Variants in PYGO1 observed in about 807,000 individuals in gnomAD.
The protein encoded by PYGO1 is pygopus family PHD finger 1, also known as pygopus homolog 1.
A neutral mutation model predicts 29.5 loss-of-function variants in PYGO1; 6 were observed. The ratio of observed to expected loss-of-function variants is 0.20; its 90% confidence interval spans 0.11 to 0.40. PYGO1 has a LOEUF of 0.40. PYGO1 is among the 10% of genes least tolerant of loss of function. The pLI, the probability that PYGO1 is intolerant of heterozygous loss-of-function variation, is 1.00. For synonymous variants in PYGO1, 186 were observed against 180.5 expected (o/e 1.03, Z -0.24); for missense variants, 515 against 514.9 (o/e 1.00, Z 0.00).
chr15:55,583,994 G>A (rs550231840), intron 1 of PYGO1, among the ~76,000 whole-genome samples: 1 of 151,964 alleles, frequency 6.6e-6, no homozygotes, highest in South Asian at 2.1e-4. Context: ...CCCAAAAGAT[G>A]TGTTCCTTTA....
intron 1 of PYGO1, among the ~76,000 whole-genome samples, chr15:55,584,750 G>C (rs1341473402): frequency 2.0e-5 from 3 of 152,142 alleles, no homozygotes; most frequent in Non-Finnish European, 4.4e-5. Flanking sequence ...AAAAGGTGAA[G>C]GTTTGGGGGT....
In PYGO1 at chr15:55,546,685, AATCGGG is replaced by A; in HGVS notation, c.592_597del (p.Pro198_Asp199del). 1.9e-6 allele frequency: 3 copies of A among 1,614,098 alleles called. No homozygotes were observed. Among genetic ancestry groups the A allele is most frequent in the Non-Finnish European group, 2.5e-6 (3 of 1,179,970 alleles). On this transcript the variant is annotated inframe_deletion, in exon 3 of 3. Transcript: ENST00000563719. ...TTTCCAGGAACAAAATTAGATGCCA[AATCGGG>A]GTTAGAAACTTGGCTAGCATTCTGT...
At chr15:55,570,536 C>A (rs374203388) in intron 1 of PYGO1, among the ~76,000 whole-genome samples, 42 of 145,810 alleles carry the variant, frequency 2.9e-4, no homozygotes, top group African/African-American at 9.8e-4. Flanking sequence ...AAAAAAAAAA[C>A]TGAACATATT....
At chr15:55,566,388 CAA>C (rs57006291) in intron 1 of PYGO1, among the ~76,000 whole-genome samples, 6,007 of 146,224 alleles carry the variant, frequency 0.041, 438 homozygotes, top group African/African-American at 0.14. Context: ...CATATTGCTA[CAA>C]AAAAAAAAAA....
chr15:55,565,547 T>G (rs2058952098), intron 1 of PYGO1, among the ~76,000 whole-genome samples: 1 of 148,982 alleles, frequency 6.7e-6, no homozygotes, highest in Non-Finnish European at 1.5e-5. Flanking sequence ...CTACTAAAAA[T>G]AAAAATTAAA....
chr15:55,556,713 T>C (rs1315689094), intron 1 of PYGO1, among the ~76,000 whole-genome samples: 2 of 148,068 alleles, frequency 1.4e-5, no homozygotes, highest in South Asian at 4.2e-4. Flanking sequence ...TAAAGCCAGG[T>C]TGGTATTTCG....
At position 55,557,766 on chromosome 15, in the gene PYGO1, C is replaced by T. The variant is rs563915626; in HGVS notation, c.50-8771G>A. On this transcript the variant is annotated intron_variant, in intron 1 of 2. Transcript: ENST00000563719. ...ACCACATGATTATCTCAATAGATGC[C>T]GCAAAGACCTTCACAAAATTCAACA... Among the ~76,000 whole-genome samples, 24 of 152,098 alleles carry T rather than the reference C, an allele frequency of 1.6e-4. 1 individual carries two copies. The South Asian group carries it at 3.7e-3, about 24-fold the overall frequency.
chr15:55,587,840 ACT>A lies in PYGO1; in HGVS notation c.42_43del (p.Arg14SerfsTer5). On this transcript the variant is annotated frameshift_variant, in exon 1 of 3. Transcript: ENST00000563719. LOFTEE classifies it high-confidence loss of function. ...CCGGCACCCTTCTCGGTTACCTCGA[ACT>A]CTCTTCAGCGAAATGGGATCCTTCT... 1 of 1,491,246 alleles carries A rather than the reference ACT, an allele frequency of 6.7e-7. No individual in the cohort carries two copies. Among genetic ancestry groups the A allele is most frequent in the South Asian group, 1.2e-5 (1 of 80,118 alleles). 92.4% of individuals were successfully genotyped at this position (1,491,246 alleles called of 1,614,324 possible).
At chr15:55,553,337 A>C (rs1239572606) in intron 1 of PYGO1, among the ~76,000 whole-genome samples, 1 of 151,870 alleles carries the variant, frequency 6.6e-6, no homozygotes, top group Non-Finnish European at 1.5e-5. Context: ...GGCAGTCTGG[A>C]CAAAGAAGGA....
At position 55,540,737 on chromosome 15, in the gene PYGO1, C is replaced by T. The variant is rs1262773398; in HGVS notation, c.*5286G>A. 1.3e-5 allele frequency: 2 copies of T among 151,906 alleles called. No individual in the cohort carries two copies. The highest frequency in any genetic ancestry group is 4.8e-5 in the African/African-American group (2 of 41,360). The allele number at this position is 151,906 out of a possible 1,614,324, so 9.4% of individuals were successfully genotyped here. On this transcript the variant is annotated 3_prime_UTR_variant, in exon 3 of 3. Transcript: ENST00000563719. ...GAATTACAGTAATTTTGCCACAGAC[C>T]ACAGCACTAGTGCATGTGTTACTTT... is the stretch of plus-strand genomic sequence containing the variant.
intron 1 of PYGO1, 143 bp from the exon 2 acceptor site, chr15:55,549,138 T>G (rs1269357929): frequency 1.8e-6 from 1 of 555,826 alleles, no homozygotes; most frequent in Non-Finnish European, 2.9e-6. Context: ...ATTATCTGTT[T>G]CAAAAAAGTC....
Position 55,546,458 on chromosome 15 carries a change from AT to A in PYGO1, c.824del (p.Asn275MetfsTer8). On this transcript the variant is annotated frameshift_variant, in exon 3 of 3. Transcript: ENST00000563719. LOFTEE classifies it high-confidence loss of function. ...TVNQSNIELK[N>X]VNRNNAVNQE... ...GATTTACTGCATTGTTTCGATTAAC[AT>A]TTTTTAATTCAATATTACTCTGATT... 1 of 1,614,086 alleles carries A rather than the reference AT, an allele frequency of 6.2e-7. No homozygotes were observed. The highest frequency in any genetic ancestry group is 8.5e-7 in the Non-Finnish European group (1 of 1,180,010).
At chr15:55,588,681 C>A, upstream of PYGO1, 1 of 1,081,420 alleles carries the variant, frequency 9.2e-7, no homozygotes, top group Admixed American at 2.0e-5. Context: ...CGAGAACGCC[C>A]GACCCCGCGG....
At chr15:55,575,627 G>C (rs1319084394) in intron 1 of PYGO1, among the ~76,000 whole-genome samples, 1 of 152,170 alleles carries the variant, frequency 6.6e-6, no homozygotes, top group East Asian at 1.9e-4. Flanking sequence ...TGATGCTTCT[G>C]TTCTTCTCCA....
Position 55,540,172 on chromosome 15 carries a change from T to C in PYGO1, c.*5851A>G, listed in dbSNP as rs1002429998. ...TTAAAATCGTGATTATAACCTTTAT[T>C]ACCAAATCCTTTCATTAGGTAGTAC... On this transcript the variant is annotated 3_prime_UTR_variant, in exon 3 of 3. Transcript: ENST00000563719. 1.3e-5 allele frequency: 2 copies of C among 152,110 alleles called. No individual in the cohort carries two copies. The highest frequency in any genetic ancestry group is 2.9e-5 in the Non-Finnish European group (2 of 67,938). The allele number at this position is 152,110 out of a possible 1,614,324, so 9.4% of individuals were successfully genotyped here. A position where few individuals can be genotyped will look rare whatever the true frequency, so the allele number is the denominator to read the frequency against.
intron 1 of PYGO1, among the ~76,000 whole-genome samples, chr15:55,571,144 A>G (rs2058978430): frequency 6.6e-6 from 1 of 151,980 alleles, no homozygotes; most frequent in African/African-American, 2.4e-5. Context: ...GACTTATTTC[A>G]TTAAGCATAA....
At chr15:55,581,199 A>C (rs2141677544) in intron 1 of PYGO1, among the ~76,000 whole-genome samples, 1 of 151,700 alleles carries the variant, frequency 6.6e-6, no homozygotes, top group Admixed American at 6.6e-5. Flanking sequence ...ATTTCAACTG[A>C]ACTGAAACTT....
rs544773129 is a variant in PYGO1, at chr15:55,558,782, T to G, written c.50-9787A>C. 5.0e-3 allele frequency among the ~76,000 whole-genome samples: 757 copies of G among 152,140 alleles called. 15 individuals are homozygous for G. Among genetic ancestry groups the G allele is most frequent in the Admixed American group, 8.0e-3 (122 of 15,282 alleles). ...GTGCTGGGAAAACTGGCCAGCCATATGTAGAAAGCTGAAACTGGATCCCTT... is the reference window on the plus strand; with the variant it reads ...GTGCTGGGAAAACTGGCCAGCCATAGGTAGAAAGCTGAAACTGGATCCCTT... On this transcript the variant is annotated intron_variant, in intron 1 of 2. Coordinates refer to ENST00000563719, the MANE Select transcript of PYGO1 (RefSeq NM_001367806.1).
chr15:55,556,327 G>C (rs1005305258), intron 1 of PYGO1, among the ~76,000 whole-genome samples: 1 of 152,026 alleles, frequency 6.6e-6, no homozygotes, highest in Non-Finnish European at 1.5e-5. Context: ...AATCAAATGA[G>C]AACTCAAAAC....
Sources: allele counts gnomAD v4.1 joint callset (sites outside exome capture counted in the v4.1 genomes callset), GRCh38; gene constraint gnomAD v4.1.1; transcripts MANE v1.5; gene names NCBI Gene and HGNC (gene_info 2026-07-23, HGNC 2026-07-21).